The following LYST variants were observed in gnomAD, a reference collection of about 807,000 sequenced individuals.
LYST encodes lysosomal trafficking regulator.
A neutral mutation model predicts 413.6 loss-of-function variants in LYST; 192 were observed. That is an observed-to-expected ratio of 0.46 (90% CI 0.41 to 0.52). The LOEUF is 0.52. Ranked by LOEUF, LYST falls within the 20% of genes least tolerant of loss-of-function variation. The pLI, the probability that LYST is intolerant of heterozygous loss-of-function variation, is 0.00. For missense variants in LYST, 3,815 were observed against 4,499.9 expected (o/e 0.85, Z 4.35); for synonymous variants, 1,525 against 1,567.3 (o/e 0.97, Z 0.64).
At chr1:235,826,938 C>G (rs1675402752) in intron 3 of LYST, among the ~76,000 whole-genome samples, 1 of 152,102 alleles carries the variant, frequency 6.6e-6, no homozygotes, top group African/African-American at 2.4e-5. Flanking sequence ...CTACCTCGGC[C>G]TCCCAAAGGA....
At chr1:235,879,883 T>C (rs1681304228) in intron 1 of LYST, among the ~76,000 whole-genome samples, 1 of 152,200 alleles carries the variant, frequency 6.6e-6, no homozygotes, top group African/African-American at 2.4e-5. Flanking sequence ...ATTATGGGCA[T>C]GCGCCACCAC....
Position 235,753,119 on chromosome 1 carries a change from G to T in LYST, c.7385C>A (p.Ala2462Glu), listed in dbSNP as rs201821563. 1.9e-4 allele frequency: 307 copies of T among 1,608,906 alleles called. 1 individual carries two copies. Among genetic ancestry groups the T allele is most frequent in the Non-Finnish European group, 1.7e-4 (199 of 1,175,652 alleles). The change falls in exon 26 of 53, where the codon GCA becomes GAA. Residue 2462 changes from alanine to glutamate, a missense_variant. Physicochemically the swap from Ala to Glu is moderately radical, Grantham distance 107. This residue lies in a region of LYST where 771 missense variants were observed against 837.1 expected (regional missense o/e 0.92). Transcript: ENST00000389793. Reference sequence around the variant, plus strand: ...TAGACCATTATCCAGCAACATATCTGCTACCTTAGAACAAGAATTTAAAAT... The same window carrying T: ...TAGACCATTATCCAGCAACATATCTTCTACCTTAGAACAAGAATTTAAAAT... ...LQILNSCSKV[A>E]DMLLDNGLLY...
At chr1:235,688,739 C>T (rs1338441310) in intron 47 of LYST, among the ~76,000 whole-genome samples, 3 of 152,036 alleles carry the variant, frequency 2.0e-5, no homozygotes, top group South Asian at 4.1e-4. Context: ...TAACCCAGCA[C>T]TTTGGGAGGC....
chr1:235,866,334 G>A (rs908373613), intron 1 of LYST, among the ~76,000 whole-genome samples: 1 of 151,094 alleles, frequency 6.6e-6, no homozygotes, highest in African/African-American at 2.4e-5. Flanking sequence ...TAGGTGACAG[G>A]TGGGCGAGCG....
intron 44 of LYST, among the ~76,000 whole-genome samples, chr1:235,706,943 T>G (rs1431048344): frequency 6.6e-6 from 1 of 152,152 alleles, no homozygotes; most frequent in Admixed American, 6.6e-5. Context: ...AGATATGGAG[T>G]GGTCTACTGT....
rs12058506 is a variant in LYST, at chr1:235,677,032, G to A, written c.11038+59C>T. On this transcript the variant is annotated intron_variant, in intron 50 of 52. Transcript: ENST00000389793. The stretch of plus-strand genomic sequence containing the variant: ...ATGGCTCGACCTAGGAGTAACCACT[G>A]GCCGAATGCGCTGTTAGAGCACCAG... The A allele has an allele frequency of 0.012, 14,795 of 1,241,360 alleles. 1,050 individuals are homozygous for A. In the African/African-American group the frequency reaches 0.17, roughly 15 times the overall value. 76.9% of individuals were successfully genotyped at this position (1,241,360 alleles called of 1,614,324 possible). A position where few individuals can be genotyped will look rare whatever the true frequency, so the allele number is the denominator to read the frequency against.
intron 5 of LYST, among the ~76,000 whole-genome samples, chr1:235,807,303 T>G (rs1300098035): frequency 6.6e-6 from 1 of 152,238 alleles, no homozygotes; most frequent in Non-Finnish European, 1.5e-5. Flanking sequence ...TTGGGCTAAT[T>G]GAACAGTCAA....
chr1:235,801,991 C>G (rs1430360852), intron 8 of LYST, among the ~76,000 whole-genome samples: 1 of 151,854 alleles, frequency 6.6e-6, no homozygotes, highest in Non-Finnish European at 1.5e-5. Context: ...GTCAGGAGTT[C>G]GAGACTAGCC....
chr1:235,809,544 T>C lies in LYST; in HGVS notation c.1274A>G (p.Tyr425Cys). 6.2e-7 allele frequency: 1 copy of C among 1,613,976 alleles called. No individual in the cohort carries two copies. Among genetic ancestry groups the C allele is most frequent in the Non-Finnish European group, 8.5e-7 (1 of 1,179,948 alleles). ...AACCAAATCCATGGCTTGACTGAAG[T>C]AGAAGGGATTTGAAGCTGCACTTTG... ...CLQSAASNPF[Y>C]FSQAMDLVQE... Residue 425 changes from tyrosine to cysteine, a missense_variant, in exon 5 of 53, where the codon TAC (tyrosine) becomes TGC (cysteine). Around this residue, in one of 4 missense-constraint regions of LYST, gnomAD observed 1,648 missense variants for 1,810.3 expected, o/e 0.91. Coordinates refer to ENST00000389793, the MANE Select transcript of LYST (RefSeq NM_000081.4). The surrounding 1 kb of genome is among the most constrained non-coding windows in gnomAD (Gnocchi z 4.0).
intron 16 of LYST, among the ~76,000 whole-genome samples, chr1:235,778,115 A>T (rs1437311882): frequency 6.9e-6 from 1 of 145,418 alleles, no homozygotes; most frequent in African/African-American, 2.7e-5. Flanking sequence ...ATATATATAT[A>T]TATATATTTT....
At chr1:235,880,656 C>T (rs972768124) in intron 1 of LYST, among the ~76,000 whole-genome samples, 3 of 152,138 alleles carry the variant, frequency 2.0e-5, no homozygotes, top group African/African-American at 7.2e-5. Flanking sequence ...CAGGGCTTTC[C>T]TTCTCTGTGC....
At chr1:235,878,943 G>C (rs1444623586) in intron 1 of LYST, among the ~76,000 whole-genome samples, 1 of 152,110 alleles carries the variant, frequency 6.6e-6, no homozygotes, top group Non-Finnish European at 1.5e-5. Context: ...TGGATATATT[G>C]AGTAGTGGTG....
rs1668940524 is a variant in LYST, at chr1:235,773,727, C to T, written c.5784+115G>A. The T allele has an allele frequency of 3.6e-6, 3 of 825,216 alleles. No individual in the cohort carries two copies. The South Asian group carries it at 4.5e-5, about 12-fold the overall frequency. The allele number at this position is 825,216 out of a possible 1,614,324, so 51.1% of individuals were successfully genotyped here. On this transcript the variant is annotated intron_variant, in intron 19 of 52. Transcript: ENST00000389793. The stretch of plus-strand genomic sequence containing the variant: ...GGATGGTGGTGATGGTTGGACAACA[C>T]TGTAAATGCACTTAATGCCACTGAA...
chr1:235,743,959 C>A lies in LYST; in HGVS notation c.8151+20G>T. The A allele has an allele frequency of 8.3e-7, 1 of 1,210,786 alleles. No homozygotes were observed. Among genetic ancestry groups the A allele is most frequent in the South Asian group, 1.2e-5 (1 of 82,346 alleles). The allele number at this position is 1,210,786 out of a possible 1,614,324, so 75.0% of individuals were successfully genotyped here. A position where few individuals can be genotyped will look rare whatever the true frequency, so the allele number is the denominator to read the frequency against. ...TTCCTTTGTGTGAATGAACATTTCC[C>A]ATGTAATTAATTTACTTACAATAGA... On this transcript the variant is annotated intron_variant, in intron 30 of 52. Coordinates refer to ENST00000389793, the MANE Select transcript of LYST (RefSeq NM_000081.4).
intron 21 of LYST, among the ~76,000 whole-genome samples, chr1:235,765,032 C>T (rs1176730473): frequency 6.6e-6 from 1 of 152,152 alleles, no homozygotes; most frequent in Non-Finnish European, 1.5e-5. Context: ...CTCTTTCCTT[C>T]TCTTGCTCTA....
rs1012269742 is a variant in LYST, at chr1:235,719,040, C to T, written c.9560+1621G>A. Among the ~76,000 whole-genome samples, 6 of 152,192 alleles carry T rather than the reference C, an allele frequency of 3.9e-5. No homozygotes were observed. The East Asian group carries it at 7.7e-4, about 20-fold the overall frequency. On this transcript the variant is annotated intron_variant, in intron 40 of 52. Transcript: ENST00000389793. The stretch of plus-strand genomic sequence containing the variant: ...CCTTTTCTATTTTTATTTTTTGAGA[C>T]GGAGTTTCACTCTTGTTATCCAGGC...
rs1664560941 is a variant in LYST at position 235,733,565 on chromosome 1, A to G, written c.8739T>C (p.Tyr2913=). Residue 2913 remains tyrosine, a synonymous_variant, in exon 34 of 53, where the codon TAT becomes TAC. Transcript: ENST00000389793. ...GTCTGCTGGCACTCAAATCTACTTT[A>G]TACATTCCTCTAATATGCTGGATCA... is the stretch of plus-strand genomic sequence containing the variant. ...KKVIQHIRGM[Y]KVDLSASRHW... 6.2e-7 allele frequency: 1 copy of G among 1,614,008 alleles called. No individual in the cohort carries two copies. Among genetic ancestry groups the G allele is most frequent in the African/African-American group, 1.3e-5 (1 of 75,046 alleles).
At chr1:235,713,127 C>T in intron 42 of LYST, 1 of 985,278 alleles carries the variant, frequency 1.0e-6, no homozygotes, top group Non-Finnish European at 1.2e-6. Context: ...GTATTACTTT[C>T]TCATCTATTC....
chr1:235,708,581 G>C (rs1379055419), intron 44 of LYST, among the ~76,000 whole-genome samples: 2 of 152,186 alleles, frequency 1.3e-5, no homozygotes, highest in African/African-American at 4.8e-5. Flanking sequence ...TGGAATTTCA[G>C]TATGTGCGAG....
Sources: gnomAD v4.1 joint callset for allele counts (sites outside exome capture counted in the v4.1 genomes callset) on GRCh38, gnomAD v4.1.1 for gene constraint, gnomAD v4.1.1 regional missense constraint, Gnocchi (gnomAD v3.1) non-coding constraint, MANE v1.5 for transcripts, NCBI Gene and HGNC (gene_info 2026-07-23, HGNC 2026-07-21) for gene names.